MYO18A: variants seen among roughly 807,000 people sequenced by gnomAD.
MYO18A encodes myosin XVIIIA.
In MYO18A, 78 loss-of-function variants were observed where a neutral mutation model predicts 235.8. The ratio of observed to expected loss-of-function variants is 0.33; its 90% CI spans 0.28 to 0.40. The LOEUF is 0.40. Among genes scored for constraint, MYO18A ranks in the 10% least tolerant of loss-of-function variants. The pLI, the probability that MYO18A is intolerant of heterozygous loss-of-function variation, is 1.00. For synonymous variants in MYO18A, 977 were observed against 1,077.8 expected (o/e 0.91, Z 1.83); for missense variants, 2,215 against 2,699.3 (o/e 0.82, Z 3.98).
At chr17:29,085,396 C>G (rs2066228287) in intron 40 of MYO18A, among the ~76,000 whole-genome samples, 1 of 152,248 alleles carries the variant, frequency 6.6e-6, no homozygotes, top group Non-Finnish European at 1.5e-5. Flanking sequence ...CGGGCCAGCC[C>G]CAGCCTTCTG....
At chr17:29,102,375 C>T (rs2152798006) in intron 21 of MYO18A, among the ~76,000 whole-genome samples, 1 of 152,268 alleles carries the variant, frequency 6.6e-6, no homozygotes, top group South Asian at 2.1e-4. Flanking sequence ...GTGAGTGGAC[C>T]CAGGGAGAGA....
At chr17:29,145,106 G>A (rs2067820266) in intron 2 of MYO18A, among the ~76,000 whole-genome samples, 1 of 152,168 alleles carries the variant, frequency 6.6e-6, no homozygotes, top group Admixed American at 6.5e-5. Flanking sequence ...CATAACTAAT[G>A]TTCTGAATGA....
chr17:29,082,624 C>G (rs1224147368), intron 40 of MYO18A, among the ~76,000 whole-genome samples, 186 bp from the exon 41 acceptor site: 1 of 152,120 alleles, frequency 6.6e-6, no homozygotes, highest in South Asian at 2.1e-4. Context: ...CCTGTCCCCA[C>G]TCAGCAGCCA....
rs955456045 is a variant in MYO18A at position 29,166,117 on chromosome 17, C to T, written c.824G>A (p.Arg275Gln). The T allele has an allele frequency of 3.1e-6, 5 of 1,613,256 alleles. No homozygotes were observed. The highest frequency in any genetic ancestry group is 4.2e-6 in the Non-Finnish European group (5 of 1,179,910). ...ATTGTGCCCATTAATCTCCACCAGT[C>T]GATCTCCTGGCACCAGCCCCAGGGC... ...DLALGLVPGD[R>Q]LVEINGHNVE... The change falls in exon 2 of 42, where the codon CGA (arginine) becomes CAA (glutamine). Residue 275 changes from arginine to glutamine, a missense_variant. By Grantham distance (43) the Arg-to-Gln change is conservative (BLOSUM62 1). Transcript: ENST00000527372.
chr17:29,098,133 C>T lies in MYO18A; in HGVS notation c.3962G>A (p.Arg1321Gln), dbSNP rs747017720. Residue 1321 changes from arginine to glutamine, a missense_variant, in exon 25 of 42, where the codon CGG becomes CAG. Arg to Gln is a conservative substitution (Grantham distance 43). Transcript: ENST00000527372. Reference sequence around the variant, plus strand: ...CAGTTCCTTCATCTCCTTCTCAGCCCGGAGCCTCTCTGCTGTCTCCGCGTC... The same window carrying T: ...CAGTTCCTTCATCTCCTTCTCAGCCTGGAGCCTCTCTGCTGTCTCCGCGTC... ...LLDAETAERL[R>Q]AEKEMKELQT... 4.4e-5 allele frequency: 71 copies of T among 1,613,618 alleles called. No individual in the cohort carries two copies. Among genetic ancestry groups the T allele is most frequent in the South Asian group, 2.2e-4 (20 of 91,092 alleles).
chr17:29,151,065 T>A (rs541810856), intron 2 of MYO18A, among the ~76,000 whole-genome samples: 4 of 151,994 alleles, frequency 2.6e-5, no homozygotes, highest in Non-Finnish European at 5.9e-5. Flanking sequence ...CTGGGCAACA[T>A]AGTGAGACCC....
In MYO18A at chr17:29,158,525, C is replaced by T. The variant is rs1408580892; in HGVS notation, c.999+7417G>A. ...CCGCTCTTTCGCAGTGGCTGTCTGGCATGGTGGGCGCCCTCAGTGCTGCCA... is the reference window on the plus strand; with the variant it reads ...CCGCTCTTTCGCAGTGGCTGTCTGGTATGGTGGGCGCCCTCAGTGCTGCCA... On this transcript the variant is annotated intron_variant, in intron 2 of 41. Coordinates refer to ENST00000527372, the MANE Select transcript of MYO18A (RefSeq NM_078471.4). The surrounding 1 kb of genome is among the most constrained non-coding windows in gnomAD (Gnocchi z 4.3). Among the ~76,000 whole-genome samples the T allele has an allele frequency of 6.6e-6, 1 of 152,220 alleles. No individual in the cohort carries two copies. The highest frequency in any genetic ancestry group is 1.5e-5 in the Non-Finnish European group (1 of 68,044).
chr17:29,170,699 G>A (rs2068381812), intron 1 of MYO18A, among the ~76,000 whole-genome samples: 2 of 152,144 alleles, frequency 1.3e-5, no homozygotes, highest in Non-Finnish European at 2.9e-5. Flanking sequence ...GTATGGACCC[G>A]AATAATCTTG....
At chr17:29,153,177 C>G (rs1032103225) in intron 2 of MYO18A, among the ~76,000 whole-genome samples, 1 of 152,104 alleles carries the variant, frequency 6.6e-6, no homozygotes, top group African/African-American at 2.4e-5. Flanking sequence ...GGATGGACTG[C>G]AGTGGTGCAA....
rs149939732 is a variant in MYO18A, at chr17:29,159,940, G to T, written c.999+6002C>A. On this transcript the variant is annotated intron_variant, in intron 2 of 41. Transcript: ENST00000527372. ...GAAAAGGATAGGAAGCACCCAGAAGGCCATCTCTCCCTTCAGATGGCGTCT... is the reference window on the plus strand; with the variant it reads ...GAAAAGGATAGGAAGCACCCAGAAGTCCATCTCTCCCTTCAGATGGCGTCT... Among the ~76,000 whole-genome samples the T allele has an allele frequency of 2.8e-3, 422 of 152,326 alleles. 2 individuals are homozygous for T. Among genetic ancestry groups the T allele is most frequent in the African/African-American group, 9.7e-3 (403 of 41,576 alleles).
At chr17:29,141,409 CA>C (rs1204881658) in intron 2 of MYO18A, among the ~76,000 whole-genome samples, 44 of 146,252 alleles carry the variant, frequency 3.0e-4, no homozygotes, top group African/African-American at 8.7e-4. Context: ...AAAAAGGAAA[CA>C]GTCATTGCCT....
chr17:29,105,502 A>G (rs994303887), intron 20 of MYO18A, among the ~76,000 whole-genome samples: 3 of 152,198 alleles, frequency 2.0e-5, no homozygotes, highest in Non-Finnish European at 4.4e-5. Context: ...GGGAGACCCA[A>G]GGAAATGGAC....
intron 2 of MYO18A, chr17:29,124,673 C>T (rs751123270): frequency 9.3e-6 from 12 of 1,284,186 alleles, no homozygotes; most frequent in South Asian, 3.7e-5. Flanking sequence ...GCATGAGAGG[C>T]GGCCTCAGAG....
rs11080076 is a variant in MYO18A at position 29,117,012 on chromosome 17, T to C, written c.2039-557A>G. ...ATGCCACTTCTTGGGGTCGCTCGCA[T>C]GGAGCCTCACGCCTGGGCACCCATT... On this transcript the variant is annotated intron_variant, in intron 10 of 41. Coordinates refer to ENST00000527372, the MANE Select transcript of MYO18A (RefSeq NM_078471.4). This position sits in a 1 kb window ranked among gnomAD's most constrained non-coding sequence, Gnocchi z 4.6. Among the ~76,000 whole-genome samples the C allele has an allele frequency of 0.58, 88,528 of 151,582 alleles. 26,876 individuals are homozygous for C. The highest frequency in any genetic ancestry group is 0.89 in the East Asian group (4,543 of 5,104).
At position 29,121,619 on chromosome 17, in the gene MYO18A, C is replaced by G. The variant is rs756937300; in HGVS notation, c.1299G>C (p.Leu433=). 5.3e-5 allele frequency: 85 copies of G among 1,589,254 alleles called. No individual in the cohort carries two copies. Among genetic ancestry groups the G allele is most frequent in the Non-Finnish European group, 7.0e-5 (82 of 1,168,254 alleles). ...HTLRQRYGAS[L]LHTYAGPSLL... is the part of the protein sequence containing the mutation. ...GGCTGGGGCCAGCATACGTGTGCAG[C>G]AGGCTAGCGCCATAGCGCTGGCGCA... Residue 433 remains leucine (L), a synonymous_variant, in exon 5 of 42, where the codon CTG becomes CTC. Coordinates refer to ENST00000527372, the MANE Select transcript of MYO18A (RefSeq NM_078471.4). The surrounding 1 kb of genome is among the most constrained non-coding windows in gnomAD (Gnocchi z 4.2).
At chr17:29,165,880 C>G (rs370837444) in intron 2 of MYO18A, 62 bp downstream of exon 2, 69 of 1,484,122 alleles carry the variant, frequency 4.6e-5, no homozygotes, top group Non-Finnish European at 6.2e-5. Flanking sequence ...ATTACCCAGT[C>G]AAGCAGGAGG....
chr17:29,173,382 G>A (rs1414619711), intron 1 of MYO18A, among the ~76,000 whole-genome samples: 2 of 148,676 alleles, frequency 1.3e-5, no homozygotes, highest in African/African-American at 5.0e-5. Flanking sequence ...TTGAGCCACT[G>A]CGCCCGGCCC....
chr17:29,173,516 T>C (rs368834534), intron 1 of MYO18A, among the ~76,000 whole-genome samples: 2 of 151,570 alleles, frequency 1.3e-5, no homozygotes, highest in Admixed American at 6.6e-5. Flanking sequence ...GCCTCCCGAG[T>C]AGCTGGTACT....
chr17:29,136,261 A>C (rs2152914862), intron 2 of MYO18A, among the ~76,000 whole-genome samples: 1 of 142,898 alleles, frequency 7.0e-6, no homozygotes, highest in Admixed American at 7.0e-5. Flanking sequence ...ATATATATAT[A>C]TATATATATA....
Sources: allele counts gnomAD v4.1 joint callset (sites outside exome capture counted in the v4.1 genomes callset), GRCh38; gene constraint gnomAD v4.1.1; non-coding constraint Gnocchi (gnomAD v3.1); transcripts MANE v1.5; gene names NCBI Gene and HGNC (gene_info 2026-07-23, HGNC 2026-07-21).